RYR2: variants seen among roughly 807,000 people sequenced by gnomAD.
RYR2 encodes ryanodine receptor 2.
Under a neutral mutation model 601.1 loss-of-function variants are expected in RYR2, and 227 were observed. The ratio of observed to expected loss-of-function variants is 0.38; its 90% confidence interval spans 0.34 to 0.42. RYR2 has a LOEUF of 0.42. Ranked by LOEUF, RYR2 falls within the 10% of genes least tolerant of loss-of-function variation. The pLI is 1.00. For synonymous variants in RYR2, 2,223 were observed against 2,175.1 expected (o/e 1.02, Z -0.61); for missense variants, 4,646 against 6,156.5 (o/e 0.75, Z 8.21).
intron 101 of RYR2, among the ~76,000 whole-genome samples, chr1:237,822,513 A>G (rs749369819): frequency 6.6e-6 from 1 of 152,236 alleles, no homozygotes; most frequent in African/African-American, 2.4e-5. Context: ...CTGTCTTACA[A>G]GAGCTCCTGA....
At chr1:237,114,512 T>G (rs1490911216) in intron 1 of RYR2, among the ~76,000 whole-genome samples, 6 of 152,222 alleles carry the variant, frequency 3.9e-5, no homozygotes, top group Non-Finnish European at 7.3e-5. Context: ...TCAGACACTT[T>G]AGAGCTTGGA....
At chr1:237,175,851 C>A (rs1453592413) in intron 1 of RYR2, among the ~76,000 whole-genome samples, 1 of 152,146 alleles carries the variant, frequency 6.6e-6, no homozygotes, top group Non-Finnish European at 1.5e-5. Flanking sequence ...ATTTGTAAAG[C>A]CTATAGCAGG....
chr1:237,680,360 A>C, intron 61 of RYR2, 96 bp from the exon 62 acceptor site: 1 of 950,510 alleles, frequency 1.1e-6, no homozygotes, highest in South Asian at 1.6e-5. Context: ...GACCTGTTGC[A>C]TGTGAACAGA....
At chr1:237,211,422 T>A (rs1682558844) in intron 1 of RYR2, among the ~76,000 whole-genome samples, 1 of 152,218 alleles carries the variant, frequency 6.6e-6, no homozygotes, top group East Asian at 1.9e-4. Context: ...CTCTGAACAA[T>A]CTTCTGATTT....
chr1:237,546,580 C>T (rs1669830417), intron 25 of RYR2, among the ~76,000 whole-genome samples: 1 of 151,986 alleles, frequency 6.6e-6, no homozygotes, highest in South Asian at 2.1e-4. Flanking sequence ...GGGGTTTTGC[C>T]ATATCAGCCA....
intron 24 of RYR2, among the ~76,000 whole-genome samples, chr1:237,526,156 C>T (rs1351838133): frequency 6.6e-5 from 10 of 152,068 alleles, no homozygotes; most frequent in Non-Finnish European, 1.3e-4. Context: ...AAGCTACATC[C>T]TCACCCACAT....
intron 3 of RYR2, among the ~76,000 whole-genome samples, chr1:237,350,113 T>A (rs1016106089): frequency 6.6e-6 from 1 of 152,244 alleles, no homozygotes; most frequent in Non-Finnish European, 1.5e-5. Context: ...ATTGACTAAA[T>A]ACTTCAATCA....
Position 237,109,342 on chromosome 1 carries a change from C to G in RYR2, c.48+66773C>G, listed in dbSNP as rs937644226. Among the ~76,000 whole-genome samples, 15 of 95,174 alleles carry G rather than the reference C, an allele frequency of 1.6e-4. No individual in the cohort carries two copies. In the South Asian group the frequency reaches 1.8e-3, roughly 11 times the overall value. 62.4% of individuals were successfully genotyped at this position (95,174 alleles called of 152,430 possible). On this transcript the variant is annotated intron_variant, in intron 1 of 104. Coordinates refer to ENST00000366574, the MANE Select transcript of RYR2 (RefSeq NM_001035.3). ...AATATAATCTTAGAAGATGGTAAAG[C>G]TGGTTTTTTTTTTAAGTTGGCAAAG... is the stretch of plus-strand genomic sequence containing the variant.
In RYR2 at chr1:237,469,119, A is replaced by C. The variant is rs772326793; in HGVS notation, c.1640A>C (p.Asn547Thr). ...GCTCTAATTAGAGGAAATCGTAAAAACTGTGCTCAATTTTCTGGCTCCCTC... is the reference window on the plus strand; with the variant it reads ...GCTCTAATTAGAGGAAATCGTAAAACCTGTGCTCAATTTTCTGGCTCCCTC... ...LAALIRGNRK[N>T]CAQFSGSLDW... The change falls in exon 17 of 105, where the codon AAC (asparagine) becomes ACC (threonine). Residue 547 changes from asparagine to threonine, a missense_variant. Coordinates refer to ENST00000366574, the MANE Select transcript of RYR2 (RefSeq NM_001035.3). 1 of 1,613,518 alleles carries C rather than the reference A, an allele frequency of 6.2e-7. No homozygotes were observed. Among genetic ancestry groups the C allele is most frequent in the Non-Finnish European group, 8.5e-7 (1 of 1,179,610 alleles).
chr1:237,253,147 G>C (rs1253189979), intron 1 of RYR2, among the ~76,000 whole-genome samples: 1 of 129,516 alleles, frequency 7.7e-6, no homozygotes, highest in Admixed American at 9.0e-5. Context: ...CTGGGCAACA[G>C]AGCGAGACTC....
chr1:237,475,316 T>C (rs575034501), intron 17 of RYR2, among the ~76,000 whole-genome samples: 1 of 152,314 alleles, frequency 6.6e-6, no homozygotes, highest in Non-Finnish European at 1.5e-5. Flanking sequence ...GTTATATTGA[T>C]GGGGTGTTCT....
chr1:237,470,842 G>C (rs1248531929), intron 17 of RYR2, among the ~76,000 whole-genome samples: 11 of 152,048 alleles, frequency 7.2e-5, no homozygotes, highest in Non-Finnish European at 1.2e-4. Context: ...GTCTCAAAGA[G>C]AGAGAGGGAG....
chr1:237,387,463 G>GTC, intron 9 of RYR2, 83 bp downstream of exon 9: 2 of 1,209,592 alleles, frequency 1.7e-6, no homozygotes, highest in Admixed American at 3.6e-5. Context: ...TGAGCTGATT[G>GTC]TTAATTAGAG....
intron 63 of RYR2, among the ~76,000 whole-genome samples, chr1:237,692,802 C>T (rs996661420): frequency 1.5e-4 from 23 of 152,176 alleles, no homozygotes; most frequent in African/African-American, 4.3e-4. Flanking sequence ...GATAATACTC[C>T]GTCCTGCTAC....
At chr1:237,259,680 T>C (rs1311567411) in intron 1 of RYR2, among the ~76,000 whole-genome samples, 3 of 152,174 alleles carry the variant, frequency 2.0e-5, no homozygotes, top group Admixed American at 6.5e-5. Context: ...ATGTGAAAGG[T>C]ACAGTTGACT....
chr1:237,453,325 GA>G (rs1268906142), intron 14 of RYR2, among the ~76,000 whole-genome samples: 2 of 152,054 alleles, frequency 1.3e-5, no homozygotes, highest in South Asian at 2.1e-4. Context: ...TCTACTGTTT[GA>G]TAAAGCTGAA....
chr1:237,582,239 A>G (rs1673991425), intron 29 of RYR2, among the ~76,000 whole-genome samples: 2 of 151,266 alleles, frequency 1.3e-5, no homozygotes. Flanking sequence ...AGTAGCTGGG[A>G]TTACAGGCAC....
chr1:237,653,869 C>T (rs1012358181), intron 51 of RYR2, among the ~76,000 whole-genome samples: 5 of 152,174 alleles, frequency 3.3e-5, no homozygotes, highest in South Asian at 2.1e-4. Context: ...GCACCCAGCA[C>T]GGGACAAAGA....
In RYR2 at chr1:237,732,051, T is replaced by C; in HGVS notation, c.10941T>C (p.Pro3647=). Residue 3647 remains proline (P), a synonymous_variant, in exon 78 of 105, where the codon CCT becomes CCC. Coordinates refer to ENST00000366574, the MANE Select transcript of RYR2 (RefSeq NM_001035.3). The part of the protein sequence containing the change: ...EDKLIEDLAK[P]GAEPPEEDEG... ...TAAATTTGACTTTTTTGCAGAAACC[T>C]GGGGCTGAACCTCCAGAAGAAGATG... 6.3e-7 allele frequency: 1 copy of C among 1,598,354 alleles called. No individual in the cohort carries two copies. The highest frequency in any genetic ancestry group is 1.1e-5 in the South Asian group (1 of 88,430).
Sources: allele counts gnomAD v4.1 joint callset (sites outside exome capture counted in the v4.1 genomes callset), GRCh38; gene constraint gnomAD v4.1.1; transcripts MANE v1.5; gene names NCBI Gene and HGNC (gene_info 2026-07-23, HGNC 2026-07-21).